Variants in GNAS observed in about 807,000 individuals in gnomAD.
GNAS encodes protein ALEX.
In GNAS, 8 loss-of-function variants were observed where a neutral mutation model predicts 54.5. The observed-to-expected ratio is 0.15, with a 90% confidence interval of 0.09 to 0.26. The LOEUF is 0.26. GNAS is among the 10% of genes least tolerant of loss of function. The pLI is 1.00. For missense variants in GNAS, 170 were observed against 529.8 expected, an observed-to-expected ratio of 0.32 and a Z score of 6.67; for synonymous variants, 204 against 191.4, an observed-to-expected ratio of 1.07 and a Z score of -0.54.
rs748602195 is a variant in GNAS, at chr20:58,910,858, C to T, written c.*29C>T. The T allele has an allele frequency of 6.2e-7, 1 of 1,601,936 alleles. No homozygotes were observed. On this transcript the variant is annotated 3_prime_UTR_variant, in exon 13 of 13. Transcript: ENST00000371085. This position sits in a 1 kb window ranked among gnomAD's most constrained non-coding sequence, Gnocchi z 5.8. Reference sequence around the variant, plus strand: ...GGGAACCCCCAAATTTAATTAAAGCCTTAAGCACAATTAATTAAAAGTGAA... The same window carrying T: ...GGGAACCCCCAAATTTAATTAAAGCTTTAAGCACAATTAATTAAAAGTGAA...
chr20:58,855,576 C>CA, intron 1 of GNAS: 1 of 717,856 alleles, frequency 1.4e-6, no homozygotes, highest in Non-Finnish European at 2.6e-6. Context: ...TGCCGAGCGA[C>CA]ACTGAGGGTC....
chr20:58,842,082 C>T (rs1797864870), intron 1 of GNAS: 7 of 409,748 alleles, frequency 1.7e-5, no homozygotes, highest in East Asian at 3.6e-5. Flanking sequence ...CGGCGTGCTC[C>T]GGCCATTTTC....
chr20:58,900,253 A>G (rs2090485237), intron 3 of GNAS: 2 of 493,660 alleles, frequency 4.1e-6, no homozygotes, highest in Non-Finnish European at 7.3e-6. Context: ...GCAAGATATG[A>G]CAAGTCCTTA....
chr20:58,907,355 C>T (rs572919599), intron 6 of GNAS, among the ~76,000 whole-genome samples: 30 of 152,322 alleles, frequency 2.0e-4, no homozygotes, highest in African/African-American at 6.7e-4. Context: ...CCCACTCCTT[C>T]TTCAACAAAG....
At chr20:58,902,067 G>A (rs972336018) in intron 3 of GNAS, among the ~76,000 whole-genome samples, 14 of 151,784 alleles carry the variant, frequency 9.2e-5, no homozygotes, top group African/African-American at 2.2e-4. Context: ...TATACAAACC[G>A]TGAAAAAGAT....
chr20:58,852,765 G>C (rs1281620050), intron 1 of GNAS: 6 of 219,840 alleles, frequency 2.7e-5, no homozygotes, highest in Non-Finnish European at 5.5e-5. Context: ...AAACGTCCCT[G>C]CGAGGCCTGC....
intron 1 of GNAS, among the ~76,000 whole-genome samples, chr20:58,844,683 T>TG (rs2085875468): frequency 3.1e-5 from 2 of 64,826 alleles, no homozygotes; most frequent in East Asian, 1.2e-3. Flanking sequence ...TCTACACTAG[T>TG]GATTTAACCC....
At chr20:58,894,729 G>A (rs181040935) in intron 1 of GNAS, among the ~76,000 whole-genome samples, 3 of 152,206 alleles carry the variant, frequency 2.0e-5, no homozygotes, top group African/African-American at 7.2e-5. Flanking sequence ...TTTGAGTTGG[G>A]AAGGGCTTGG....
At chr20:58,855,555 G>A (rs2086446321) in intron 1 of GNAS, 1 of 718,570 alleles carries the variant, frequency 1.4e-6, no homozygotes, top group African/African-American at 1.7e-5. Flanking sequence ...GCCCTCCAGG[G>A]AGAAAAGTGG....
Position 58,892,985 on chromosome 20 carries a change from CAA to C in GNAS, c.139+1122_139+1123del, listed in dbSNP as rs1314526315. 2.8e-5 allele frequency among the ~76,000 whole-genome samples: 4 copies of C among 143,310 alleles called. No homozygotes were observed. In the South Asian group the frequency reaches 6.9e-4, roughly 25 times the overall value. 94.0% of individuals were successfully genotyped at this position (143,310 alleles called of 152,430 possible). On this transcript the variant is annotated intron_variant, in intron 1 of 12. Transcript: ENST00000371085. ...GAGAGTGCTTTGTGAAAAGAAAAAACAAAGACATTCACAAATCAGATAAAACT... is the reference window on the plus strand; with the variant it reads ...GAGAGTGCTTTGTGAAAAGAAAAAACAGACATTCACAAATCAGATAAAACT...
chr20:58,876,561 A>C (rs1049814506), intron 1 of GNAS: 7 of 152,212 alleles, frequency 4.6e-5, no homozygotes, highest in Non-Finnish European at 1.0e-4. Flanking sequence ...AGCATGACTC[A>C]GTAACACTCA....
Position 58,841,794 on chromosome 20 carries a change from G to A in GNAS, c.43+908G>A, listed in dbSNP as rs2085740863. ...TTGGCGCAGCTGGTCGGGTGGCCAGGCTGCATGCGGCTTAGCAGGAGACGT... is the reference window on the plus strand; with the variant it reads ...TTGGCGCAGCTGGTCGGGTGGCCAGACTGCATGCGGCTTAGCAGGAGACGT... On this transcript the variant is annotated intron_variant, in intron 1 of 12. Transcript: ENST00000306090. The surrounding 1 kb of genome is among the most constrained non-coding windows in gnomAD (Gnocchi z 5.0). The A allele has an allele frequency of 8.1e-7, 1 of 1,230,726 alleles. No individual in the cohort carries two copies. Among genetic ancestry groups the A allele is most frequent in the African/African-American group, 1.5e-5 (1 of 64,558 alleles). The allele number at this position is 1,230,726 out of a possible 1,614,324, so 76.2% of individuals were successfully genotyped here. A position where few individuals can be genotyped will look rare whatever the true frequency, so the allele number is the denominator to read the frequency against.
intron 1 of GNAS, among the ~76,000 whole-genome samples, chr20:58,849,914 T>G (rs1252604120): frequency 2.6e-5 from 4 of 152,210 alleles, no homozygotes; most frequent in Admixed American, 2.0e-4. Flanking sequence ...CAAAAAACTT[T>G]CAACATCCTT....
At chr20:58,850,845 C>CA in intron 1 of GNAS, 1 of 398,860 alleles carries the variant, frequency 2.5e-6, no homozygotes, top group African/African-American at 2.0e-5. Flanking sequence ...ACCCGCCCCC[C>CA]ACCGGCTTCC....
intron 1 of GNAS, among the ~76,000 whole-genome samples, chr20:58,894,937 GT>G: frequency 6.6e-6 from 1 of 152,158 alleles, no homozygotes; most frequent in East Asian, 1.9e-4. Context: ...CAACATAGTT[GT>G]ACCCAGAGGG....
Position 58,910,584 on chromosome 20 carries a change from G to T in GNAS, c.1039-99G>T. On this transcript the variant is annotated intron_variant, in intron 12 of 12. Coordinates refer to ENST00000371085, the MANE Select transcript of GNAS (RefSeq NM_000516.7). This position sits in a 1 kb window ranked among gnomAD's most constrained non-coding sequence, Gnocchi z 5.8. Reference sequence around the variant, plus strand: ...TTGCTTTTGTTTTCATATGACATCAGAGGCTGGCTGACAGCCGTCCCTGGT... The same window carrying T: ...TTGCTTTTGTTTTCATATGACATCATAGGCTGGCTGACAGCCGTCCCTGGT... 1 of 1,432,972 alleles carries T rather than the reference G, an allele frequency of 7.0e-7. No individual in the cohort carries two copies. Among genetic ancestry groups the T allele is most frequent in the Non-Finnish European group, 9.8e-7 (1 of 1,020,538 alleles). The allele number at this position is 1,432,972 out of a possible 1,614,324, so 88.8% of individuals were successfully genotyped here.
chr20:58,889,925 CGAG>C (rs2088970732), upstream of GNAS, among the ~76,000 whole-genome samples: 1 of 151,634 alleles, frequency 6.6e-6, no homozygotes, highest in African/African-American at 2.4e-5. Flanking sequence ...CGGCGGAGAG[CGAG>C]AAGAAGACGG....
At position 58,860,319 on chromosome 20, in the gene GNAS, G is replaced by GT. The variant is rs1305682479; in HGVS notation, c.43+19440dup. 6.0e-5 allele frequency among the ~76,000 whole-genome samples: 9 copies of GT among 150,160 alleles called. 1 individual carries two copies. Among genetic ancestry groups the GT allele is most frequent in the East Asian group, 5.9e-4 (3 of 5,110 alleles). On this transcript the variant is annotated intron_variant, in intron 1 of 12. Coordinates refer to the GNAS transcript ENST00000306090. The stretch of plus-strand genomic sequence containing the variant: ...TTCCTTTTTTTTTTTTTAAATGCAG[G>GT]TTTTTTTAAAAGTTTTTTGGTTTTT...
intron 1 of GNAS, chr20:58,855,932 G>A (rs2086479467): frequency 2.5e-6 from 1 of 393,920 alleles, no homozygotes; most frequent in South Asian, 5.1e-5. Flanking sequence ...TTGCGCCATG[G>A]CCCGGGCAAA....
Sources: gnomAD v4.1 joint callset for allele counts (sites outside exome capture counted in the v4.1 genomes callset) on GRCh38, gnomAD v4.1.1 for gene constraint, Gnocchi (gnomAD v3.1) non-coding constraint, MANE v1.5 for transcripts, NCBI Gene and HGNC (gene_info 2026-07-23, HGNC 2026-07-21) for gene names.